Variants in RAD51B observed in about 807,000 individuals in gnomAD.
RAD51B encodes RAD51 paralog B, also known as DNA repair protein RAD51 homolog 2.
A neutral mutation model predicts 42.2 loss-of-function variants in RAD51B; 38 were observed. The ratio of observed to expected loss-of-function variants is 0.90; its 90% CI spans 0.70 to 1.18. The LOEUF is 1.18. RAD51B is among the 50% of genes most tolerant of loss of function. RAD51B has a pLI of 0.00. For missense variants in RAD51B, 373 were observed against 400.7 expected, an observed-to-expected ratio of 0.93 and a Z score of 0.59; for synonymous variants, 154 against 145.2, an observed-to-expected ratio of 1.06 and a Z score of -0.43.
chr14:68,228,629 A>G (rs1275487503), intron 7 of RAD51B, among the ~76,000 whole-genome samples: 1 of 152,142 alleles, frequency 6.6e-6, no homozygotes, highest in Non-Finnish European at 1.5e-5. Context: ...TGCTTTATAA[A>G]TTTGTGTTGA....
chr14:68,551,722 T>TTAA (rs1280408190), intron 10 of RAD51B, among the ~76,000 whole-genome samples: 1 of 152,152 alleles, frequency 6.6e-6, no homozygotes, highest in East Asian at 1.9e-4. Flanking sequence ...TGTGATATCC[T>TTAA]TAATAATAAT....
At chr14:68,049,612 G>A (rs1471426384) in intron 7 of RAD51B, among the ~76,000 whole-genome samples, 1 of 152,058 alleles carries the variant, frequency 6.6e-6, no homozygotes, top group African/African-American at 2.4e-5. Flanking sequence ...ATTCCCCAGG[G>A]CTCCTGGTCT....
intron 8 of RAD51B, among the ~76,000 whole-genome samples, chr14:68,381,924 C>T (rs922872514): frequency 6.6e-6 from 1 of 152,176 alleles, no homozygotes; most frequent in African/African-American, 2.4e-5. Flanking sequence ...TCTATCACTC[C>T]ACCTGTGCTT....
rs187813986 is a variant in RAD51B, at chr14:68,114,355, A to G, written c.757-177529A>G. ...AATTGAAATGGTTCCACATTACATT[A>G]TTGGAAAATCATTTGTTTTATACTG... On this transcript the variant is annotated intron_variant, in intron 7 of 10. Coordinates refer to ENST00000471583, the MANE Select transcript of RAD51B (RefSeq NM_133510.4). Among the ~76,000 whole-genome samples the G allele has an allele frequency of 6.6e-5, 10 of 152,266 alleles. No individual in the cohort carries two copies. The East Asian group carries it at 1.7e-3, about 26-fold the overall frequency.
At chr14:68,120,077 G>C (rs1455397937) in intron 7 of RAD51B, among the ~76,000 whole-genome samples, 1 of 152,204 alleles carries the variant, frequency 6.6e-6, no homozygotes, top group Non-Finnish European at 1.5e-5. Flanking sequence ...CAGTGATGGT[G>C]AGCGTTTTTT....
At chr14:67,904,528 T>C (rs979558538) in intron 7 of RAD51B, among the ~76,000 whole-genome samples, 5 of 145,836 alleles carry the variant, frequency 3.4e-5, no homozygotes, top group Non-Finnish European at 7.4e-5. Flanking sequence ...TTTTTTTTTT[T>C]TGAGATGGAG....
chr14:68,515,469 G>A (rs1395370785), intron 10 of RAD51B, among the ~76,000 whole-genome samples: 1 of 135,878 alleles, frequency 7.4e-6, no homozygotes, highest in Admixed American at 7.8e-5. Flanking sequence ...TTTTTAGAGA[G>A]ATAGGGTCTC....
intron 10 of RAD51B, among the ~76,000 whole-genome samples, chr14:68,647,697 T>A (rs1448982067): frequency 6.6e-6 from 1 of 152,086 alleles, no homozygotes; most frequent in Admixed American, 6.5e-5. Context: ...ATTGACTGAT[T>A]AATTTGTTGT....
At chr14:68,024,122 G>C (rs534489868) in intron 7 of RAD51B, among the ~76,000 whole-genome samples, 1 of 152,020 alleles carries the variant, frequency 6.6e-6, no homozygotes, top group Non-Finnish European at 1.5e-5. Flanking sequence ...CCTATTGCTT[G>C]TTGTCAGTCT....
rs929619487 is a variant in RAD51B at position 68,551,603 on chromosome 14, C to G, written c.1037-42882C>G. Among the ~76,000 whole-genome samples the G allele has an allele frequency of 3.9e-5, 6 of 152,106 alleles. 1 individual carries two copies. The highest frequency in any genetic ancestry group is 3.3e-4 in the Admixed American group (5 of 15,278). On this transcript the variant is annotated intron_variant, in intron 10 of 10. Coordinates refer to the RAD51B transcript ENST00000487270. ...CACAGTATTTACATCCAGGATTTCT[C>G]TCTTTTTCTAGAATGAAAACACCTC... is the stretch of plus-strand genomic sequence containing the variant.
At chr14:67,967,115 C>T (rs1217988833) in intron 7 of RAD51B, among the ~76,000 whole-genome samples, 1 of 152,116 alleles carries the variant, frequency 6.6e-6, no homozygotes, top group African/African-American at 2.4e-5. Flanking sequence ...GAGGAGGTTG[C>T]AAAAGTGGAA....
chr14:68,096,593 A>G (rs2077199463), intron 7 of RAD51B, among the ~76,000 whole-genome samples: 1 of 152,218 alleles, frequency 6.6e-6, no homozygotes. Context: ...TTCATTGAGG[A>G]GCCCACCTAG....
At chr14:68,198,397 T>C (rs1340389989) in intron 7 of RAD51B, among the ~76,000 whole-genome samples, 1 of 152,204 alleles carries the variant, frequency 6.6e-6, no homozygotes, top group Non-Finnish European at 1.5e-5. Flanking sequence ...TTGTGAGTTT[T>C]TTAAAAAATC....
At chr14:68,549,264 G>A (rs1452705536) in intron 10 of RAD51B, among the ~76,000 whole-genome samples, 1 of 151,972 alleles carries the variant, frequency 6.6e-6, no homozygotes, top group Non-Finnish European at 1.5e-5. Context: ...GGGAGGGATG[G>A]GGGGAGAAAA....
At chr14:68,303,495 G>A (rs2081793607) in intron 8 of RAD51B, among the ~76,000 whole-genome samples, 1 of 151,402 alleles carries the variant, frequency 6.6e-6, no homozygotes, top group African/African-American at 2.4e-5. Flanking sequence ...AAAGAAATAC[G>A]GAAGTGACGG....
At chr14:67,830,773 T>A (rs2041008746) in intron 3 of RAD51B, among the ~76,000 whole-genome samples, 1 of 152,106 alleles carries the variant, frequency 6.6e-6, no homozygotes, top group Admixed American at 6.5e-5. Context: ...ATGTCAGAGA[T>A]GATTCTCTGA....
At chr14:68,021,078 C>T (rs889329391) in intron 7 of RAD51B, among the ~76,000 whole-genome samples, 4 of 152,174 alleles carry the variant, frequency 2.6e-5, no homozygotes, top group African/African-American at 9.7e-5. Flanking sequence ...CCCCTGGGAC[C>T]TTACACTGTG....
At chr14:68,087,975 T>C (rs2077022844) in intron 7 of RAD51B, among the ~76,000 whole-genome samples, 4 of 128,472 alleles carry the variant, frequency 3.1e-5, no homozygotes. Context: ...TATTATTATA[T>C]ATAATTATAT....
intron 4 of RAD51B, among the ~76,000 whole-genome samples, chr14:67,836,849 G>A (rs910107715): frequency 6.6e-6 from 1 of 152,062 alleles, no homozygotes; most frequent in Non-Finnish European, 1.5e-5. Context: ...CTTACAATGT[G>A]GTGACTTCAT....
Sources: gnomAD v4.1 joint callset for allele counts (sites outside exome capture counted in the v4.1 genomes callset) on GRCh38, gnomAD v4.1.1 for gene constraint, MANE v1.5 for transcripts, NCBI Gene and HGNC (gene_info 2026-07-23, HGNC 2026-07-21) for gene names.